The following RNF2 variants were observed in gnomAD, a reference collection of about 807,000 sequenced individuals.
RNF2 encodes ring finger protein 2.
A neutral mutation model predicts 37.2 loss-of-function variants in RNF2; 6 were observed. The ratio of observed to expected loss-of-function variants is 0.16; its 90% CI spans 0.09 to 0.32. The LOEUF (loss-of-function observed/expected upper bound fraction) is 0.32. Among genes scored for constraint, RNF2 ranks in the 10% least tolerant of loss-of-function variants. The probability of loss-of-function intolerance (pLI) is 1.00; values close to 1 mark genes in which losing one functional copy is unlikely to be tolerated. For missense variants in RNF2, 251 were observed against 404.0 expected, an observed-to-expected ratio of 0.62 and a Z score of 3.25; for synonymous variants, 133 against 132.7, an observed-to-expected ratio of 1.00 and a Z score of -0.02.
At chr1:185,051,477 G>A (rs904455657) in intron 1 of RNF2, among the ~76,000 whole-genome samples, 21 of 152,182 alleles carry the variant, frequency 1.4e-4, no homozygotes, top group Non-Finnish European at 1.6e-4. Flanking sequence ...AGTAATGTAC[G>A]TAAAGCGGTC....
At chr1:185,085,358 G>A (rs571100514) in intron 1 of RNF2, among the ~76,000 whole-genome samples, 3 of 151,526 alleles carry the variant, frequency 2.0e-5, no homozygotes, top group South Asian at 2.1e-4. Flanking sequence ...CCGTGGTCTC[G>A]ATCTCCTGAC....
At position 185,100,896 on chromosome 1, in the gene RNF2, T is replaced by C. The variant is rs767079080; in HGVS notation, c.*595T>C. 6.6e-6 allele frequency: 1 copy of C among 152,278 alleles called. No individual in the cohort carries two copies. Among genetic ancestry groups the C allele is most frequent in the Non-Finnish European group, 1.5e-5 (1 of 67,920 alleles). The allele number at this position is 152,278 out of a possible 1,614,324, so 9.4% of individuals were successfully genotyped here. ...TTTATGAACTTAGTGTCCATTGTCA[T>C]GCAATGTTTTTTTTTTTCCATTCTT... On this transcript the variant is annotated 3_prime_UTR_variant, in exon 7 of 7. Transcript: ENST00000367510.
At chr1:185,086,379 C>T (rs559353727) in intron 1 of RNF2, among the ~76,000 whole-genome samples, 31 of 152,134 alleles carry the variant, frequency 2.0e-4, no homozygotes, top group Non-Finnish European at 4.6e-4. Context: ...ATCTACAACC[C>T]TCTTTCCCAT....
chr1:185,064,649 C>A (rs776624410), intron 1 of RNF2, among the ~76,000 whole-genome samples: 1 of 151,956 alleles, frequency 6.6e-6, no homozygotes, highest in East Asian at 1.9e-4. Context: ...TGGGATGTAA[C>A]CCCATGTAGG....
rs78512357 is a variant in RNF2, at chr1:185,090,652, G to A, written c.88-927G>A. Among the ~76,000 whole-genome samples, 892 of 152,234 alleles carry A rather than the reference G, an allele frequency of 5.9e-3. 31 individuals are homozygous for A. The East Asian group carries it at 0.085, about 14-fold the overall frequency. ...GACTGCCAGTGGAAACAGGAAGCACGGGAGCGTATTGAAAGCCACTTATTT... is the reference window on the plus strand; with the variant it reads ...GACTGCCAGTGGAAACAGGAAGCACAGGAGCGTATTGAAAGCCACTTATTT... On this transcript the variant is annotated intron_variant, in intron 2 of 6. Coordinates refer to ENST00000367510, the MANE Select transcript of RNF2 (RefSeq NM_007212.4).
At chr1:185,050,098 T>G (rs185304984) in intron 1 of RNF2, among the ~76,000 whole-genome samples, 4 of 152,304 alleles carry the variant, frequency 2.6e-5, no homozygotes, top group African/African-American at 7.2e-5. Flanking sequence ...GGACGAATAG[T>G]GTAGGTTAAG....
intron 4 of RNF2, among the ~76,000 whole-genome samples, chr1:185,093,562 C>A (rs1208774773): frequency 6.6e-6 from 1 of 152,084 alleles, no homozygotes; most frequent in South Asian, 2.1e-4. Context: ...CTTTTATGAA[C>A]CCCCTCCAAT....
chr1:185,091,766 G>T (rs1651769264), intron 3 of RNF2, 27 bp downstream of exon 3: 2 of 1,585,230 alleles, frequency 1.3e-6, no homozygotes, highest in Middle Eastern at 1.7e-4. Flanking sequence ...TGTTATACTA[G>T]GTACTTAATT....
chr1:185,073,339 T>A (rs1000106561), intron 1 of RNF2, among the ~76,000 whole-genome samples: 1 of 152,174 alleles, frequency 6.6e-6, no homozygotes, highest in African/African-American at 2.4e-5. Flanking sequence ...TTAAGAGAGT[T>A]ATTACAATAT....
chr1:185,073,318 G>A (rs904356437), intron 1 of RNF2, among the ~76,000 whole-genome samples: 1 of 151,814 alleles, frequency 6.6e-6, no homozygotes, highest in African/African-American at 2.4e-5. Context: ...TTTTTTTGCT[G>A]GGTAAATTTA....
chr1:185,096,869 G>A (rs1395880281), intron 4 of RNF2, among the ~76,000 whole-genome samples: 1 of 146,058 alleles, frequency 6.8e-6, no homozygotes, highest in African/African-American at 2.5e-5. Flanking sequence ...ATGAGTTCTT[G>A]AGCATCTTTC....
chr1:185,049,568 AATT>A (rs1650215217), intron 1 of RNF2, among the ~76,000 whole-genome samples: 1 of 152,046 alleles, frequency 6.6e-6, no homozygotes, highest in African/African-American at 2.4e-5. Context: ...GAGCAGTTAG[AATT>A]ATTGTTTTAC....
At chr1:185,070,804 A>AT (rs1650948820) in intron 1 of RNF2, among the ~76,000 whole-genome samples, 1 of 151,556 alleles carries the variant, frequency 6.6e-6, no homozygotes, top group South Asian at 2.1e-4. Context: ...TCGCCGGCTC[A>AT]TTTTTTTATT....
At chr1:185,091,458 C>T in intron 2 of RNF2, 121 bp from the exon 3 acceptor site, 1 of 858,862 alleles carries the variant, frequency 1.2e-6, no homozygotes. Flanking sequence ...TTGACAATGG[C>T]AGTGGCTGGG....
At chr1:185,077,625 G>GTTTTTT (rs528747420) in intron 1 of RNF2, among the ~76,000 whole-genome samples, 7 of 115,672 alleles carry the variant, frequency 6.1e-5, no homozygotes, top group Non-Finnish European at 7.3e-5. Flanking sequence ...AATTAACTTT[G>GTTTTTT]TTTTTTTTTT....
At chr1:185,088,769 A>G (rs753664788) in intron 2 of RNF2, among the ~76,000 whole-genome samples, 6 of 152,138 alleles carry the variant, frequency 3.9e-5, no homozygotes, top group African/African-American at 7.2e-5. Context: ...AGTTCCAAAA[A>G]CCAAAATTTG....
intron 1 of RNF2, among the ~76,000 whole-genome samples, chr1:185,060,381 C>T (rs2102160126): frequency 6.6e-6 from 1 of 152,252 alleles, no homozygotes; most frequent in South Asian, 2.1e-4. Context: ...TGGATACTGC[C>T]ACCACATAAG....
chr1:185,054,602 C>G (rs927210202), intron 1 of RNF2, among the ~76,000 whole-genome samples: 1 of 152,210 alleles, frequency 6.6e-6, no homozygotes, highest in Non-Finnish European at 1.5e-5. Context: ...GGCCACGCCT[C>G]TAGAGGCGGG....
rs755965502 is a variant in RNF2, at chr1:185,087,544, A to G, written c.-2-8A>G. The G allele has an allele frequency of 1.2e-6, 2 of 1,613,278 alleles. No homozygotes were observed. The highest frequency in any genetic ancestry group is 1.7e-6 in the Non-Finnish European group (2 of 1,179,400). On this transcript the variant is annotated splice_region_variant and splice_polypyrimidine_tract_variant and intron_variant, in intron 1 of 6. Transcript: ENST00000367510. The stretch of plus-strand genomic sequence containing the variant: ...CTAAAATTGTTTTTCTCTCTTCTTT[A>G]TTTCCAGCAATGTCTCAGGCTGTGC...
Sources: allele counts gnomAD v4.1 joint callset (sites outside exome capture counted in the v4.1 genomes callset), GRCh38; gene constraint gnomAD v4.1.1; transcripts MANE v1.5; gene names NCBI Gene and HGNC (gene_info 2026-07-23, HGNC 2026-07-21).